The following SNRPN variants were observed in gnomAD, a reference collection of about 807,000 sequenced individuals.
SNRPN encodes small nuclear ribonucleoprotein polypeptide N.
In SNRPN, 7 loss-of-function variants were observed where a neutral mutation model predicts 25.2. The observed-to-expected ratio is 0.28, with a 90% CI of 0.16 to 0.52. The LOEUF (loss-of-function observed/expected upper bound fraction) is 0.52, where lower values mean the gene tolerates loss of function less well. Ranked by LOEUF, SNRPN falls within the 20% of genes least tolerant of loss-of-function variation. SNRPN has a pLI of 0.96. For synonymous variants in SNRPN, 124 were observed against 110.6 expected (o/e 1.12, Z -0.76); for missense variants, 196 against 322.5 (o/e 0.61, Z 3.00).
chr15:24,879,944 G>A (rs979392576), intron 1 of SNRPN, among the ~76,000 whole-genome samples: 2 of 152,166 alleles, frequency 1.3e-5, no homozygotes, highest in African/African-American at 4.8e-5. Context: ...TGTTGGAGAG[G>A]AGTGGGTGAA....
intron 2 of SNRPN, among the ~76,000 whole-genome samples, chr15:24,840,017 G>T (rs1351166136): frequency 6.6e-6 from 1 of 152,176 alleles, no homozygotes; most frequent in Non-Finnish European, 1.5e-5. Flanking sequence ...GCCACGAGGT[G>T]CCCAGTCCAA....
Position 24,945,936 on chromosome 15 carries a change from C to G in SNRPN, c.-390-16178C>G, listed in dbSNP as rs143395943. Among the ~76,000 whole-genome samples the G allele has an allele frequency of 5.9e-5, 9 of 152,290 alleles. 1 individual carries two copies. Among genetic ancestry groups the G allele is most frequent in the Admixed American group, 3.3e-4 (5 of 15,294 alleles). On this transcript the variant is annotated intron_variant, in intron 3 of 11. Transcript: ENST00000400097. The stretch of plus-strand genomic sequence containing the variant: ...AAAGGCTGGAACATGTTGGCTGCTC[C>G]TGTTACTTGGTGCTTTGAGCAGAAA...
At chr15:24,883,218 C>T (rs1236367925) in intron 1 of SNRPN, among the ~76,000 whole-genome samples, 2 of 152,190 alleles carry the variant, frequency 1.3e-5, no homozygotes, top group African/African-American at 4.8e-5. Flanking sequence ...GGCTTTGCAG[C>T]CAAGTAAGCA....
intron 2 of SNRPN, among the ~76,000 whole-genome samples, chr15:24,834,654 A>G (rs1310137712): frequency 6.6e-6 from 1 of 150,474 alleles, no homozygotes; most frequent in African/African-American, 2.5e-5. Flanking sequence ...ATCACTTGTT[A>G]CAGTGAGCTG....
At chr15:24,958,464 T>A (rs1294394314) in intron 1 of SNRPN, among the ~76,000 whole-genome samples, 1 of 149,130 alleles carries the variant, frequency 6.7e-6, no homozygotes, top group Non-Finnish European at 1.5e-5. Context: ...TCTCTCCATT[T>A]CTGGATGCTA....
At chr15:24,898,676 A>C (rs1422075242) in intron 2 of SNRPN, among the ~76,000 whole-genome samples, 1 of 152,176 alleles carries the variant, frequency 6.6e-6, no homozygotes, top group Admixed American at 6.6e-5. Flanking sequence ...TCAGGTGAAA[A>C]ATGTGTTATT....
chr15:24,929,897 T>TA lies in SNRPN; in HGVS notation c.-391+9780dup, dbSNP rs998948116. ...CACATGTACATCTATTATGTATCAA[T>TA]AAAAAAATGGCCAGGCACGGTGGCT... On this transcript the variant is annotated intron_variant, in intron 3 of 11. Coordinates refer to the SNRPN transcript ENST00000400097. This position sits in a 1 kb window ranked among gnomAD's most constrained non-coding sequence, Gnocchi z 5.3. Among the ~76,000 whole-genome samples, 13 of 152,050 alleles carry TA rather than the reference T, an allele frequency of 8.5e-5. No individual in the cohort carries two copies. Among genetic ancestry groups the TA allele is most frequent in the East Asian group, 7.7e-4 (4 of 5,170 alleles).
intron 2 of SNRPN, among the ~76,000 whole-genome samples, chr15:24,840,662 G>T (rs753546338): frequency 6.6e-6 from 1 of 152,182 alleles, no homozygotes; most frequent in Admixed American, 6.5e-5. Flanking sequence ...GATGCATGTT[G>T]TCTCCAGTAC....
At chr15:24,853,644 C>T (rs1421617479), upstream of SNRPN, among the ~76,000 whole-genome samples, 6 of 152,144 alleles carry the variant, frequency 3.9e-5, no homozygotes, top group Non-Finnish European at 8.8e-5. Context: ...CTGCCCACCT[C>T]GGCCTCCCAA....
At chr15:24,839,548 C>T (rs1178638350) in intron 2 of SNRPN, among the ~76,000 whole-genome samples, 1 of 152,096 alleles carries the variant, frequency 6.6e-6, no homozygotes, top group Non-Finnish European at 1.5e-5. Context: ...AGCAACGGCC[C>T]ACACATTGGT....
At chr15:24,912,711 T>C (rs12438586) in intron 2 of SNRPN, among the ~76,000 whole-genome samples, 59,556 of 152,020 alleles carry the variant, frequency 0.39, 12,215 homozygotes, top group South Asian at 0.48. Context: ...TTAACATCTC[T>C]ATAAAAGTGT....
chr15:24,897,425 A>C lies in SNRPN; in HGVS notation c.-505+10836A>C, dbSNP rs574892985. ...CAACGTAGCAAGACCCTGTCTCTAC[A>C]AAATTAAAAAATTAGCCGAGTGTGG... On this transcript the variant is annotated intron_variant, in intron 2 of 11. Coordinates refer to the SNRPN transcript ENST00000400097. Among the ~76,000 whole-genome samples the C allele has an allele frequency of 9.7e-4, 148 of 152,322 alleles. 2 individuals are homozygous for C. In the Middle Eastern group the frequency reaches 0.034, roughly 35 times the overall value.
At chr15:24,899,484 G>A (rs903538097) in intron 2 of SNRPN, among the ~76,000 whole-genome samples, 4 of 152,138 alleles carry the variant, frequency 2.6e-5, no homozygotes, top group Non-Finnish European at 4.4e-5. Flanking sequence ...TGATTCCACT[G>A]TGGTCTCTCA....
At chr15:24,847,203 G>A (rs995020029) in intron 2 of SNRPN, among the ~76,000 whole-genome samples, 2 of 152,114 alleles carry the variant, frequency 1.3e-5, no homozygotes, top group African/African-American at 2.4e-5. Context: ...TTTGAGGAAT[G>A]AGACTACTAT....
At position 24,915,947 on chromosome 15, in the gene SNRPN, GT is replaced by G. The variant is rs1305615168; in HGVS notation, c.-504-4055del. On this transcript the variant is annotated intron_variant, in intron 2 of 11. Coordinates refer to the SNRPN transcript ENST00000400097. Reference sequence around the variant, plus strand: ...CATCTGATTATATACACACATTGTGGTTTTTTTTTGGCCAGGTTGACTTTTT... The same window carrying G: ...CATCTGATTATATACACACATTGTGGTTTTTTTTGGCCAGGTTGACTTTTT... 5.2e-5 allele frequency among the ~76,000 whole-genome samples: 7 copies of G among 134,036 alleles called. No homozygotes were observed. In the East Asian group the frequency reaches 6.7e-4, roughly 13 times the overall value. 87.9% of individuals were successfully genotyped at this position (134,036 alleles called of 152,430 possible).
chr15:24,943,944 C>T (rs911679107), intron 3 of SNRPN, among the ~76,000 whole-genome samples: 2 of 152,140 alleles, frequency 1.3e-5, no homozygotes, highest in African/African-American at 4.8e-5. Context: ...GCCTCAGCCT[C>T]CTGAGTAGCT....
At chr15:24,898,584 TAA>T (rs75837948) in intron 2 of SNRPN, among the ~76,000 whole-genome samples, 12 of 142,454 alleles carry the variant, frequency 8.4e-5, no homozygotes, top group South Asian at 2.2e-4. Context: ...GAGATCTGTC[TAA>T]AAAAAAAAAA....
upstream of SNRPN, among the ~76,000 whole-genome samples, chr15:24,856,052 C>T (rs921504170): frequency 1.3e-5 from 2 of 152,020 alleles, no homozygotes; most frequent in Non-Finnish European, 2.9e-5. Context: ...TTTGCTCTCT[C>T]CTTTTTTTTT....
At chr15:24,840,080 G>A (rs958674364) in intron 2 of SNRPN, among the ~76,000 whole-genome samples, 1 of 152,150 alleles carries the variant, frequency 6.6e-6, no homozygotes, top group Non-Finnish European at 1.5e-5. Flanking sequence ...GATATAGGCC[G>A]GGCGTGGTGG....
Sources: allele counts gnomAD v4.1 joint callset (sites outside exome capture counted in the v4.1 genomes callset), GRCh38; gene constraint gnomAD v4.1.1; non-coding constraint Gnocchi (gnomAD v3.1); transcripts MANE v1.5; gene names NCBI Gene and HGNC (gene_info 2026-07-23, HGNC 2026-07-21).